Variants in PPP2R3B observed in about 807,000 individuals in gnomAD.
The protein encoded by PPP2R3B is serine/threonine-protein phosphatase 2A regulatory subunit B'' subunit beta.
PPP2R3B carries 68 observed loss-of-function variants against 72.9 expected under a neutral mutation model. That is an observed-to-expected ratio of 0.93 (90% CI 0.77 to 1.14). The LOEUF (loss-of-function observed/expected upper bound fraction) is 1.14, where lower values mean the gene tolerates loss of function less well. Among genes scored for constraint, PPP2R3B ranks in the 50% most tolerant of loss-of-function variants. The pLI is 0.00. For synonymous variants in PPP2R3B, 466 were observed against 375.8 expected (o/e 1.24, Z -2.78); for missense variants, 1,018 against 842.0 (o/e 1.21, Z -2.59).
In PPP2R3B at chrX:347,781, C is replaced by A. The variant is rs775452342; in HGVS notation, c.511-88G>T. On this transcript the variant is annotated intron_variant, in intron 2 of 12. Transcript: ENST00000390665. ...TACCTCGCGCCTGACCGACGCCGCCCAGAGACCCTCTGCTGCAGAAAGACA... is the reference window on the plus strand; with the variant it reads ...TACCTCGCGCCTGACCGACGCCGCCAAGAGACCCTCTGCTGCAGAAAGACA... The A allele has an allele frequency of 2.8e-4, 262 of 938,840 alleles. 5 individuals are homozygous for A. In the South Asian group the frequency reaches 3.2e-3, roughly 11 times the overall value. 58.2% of individuals were successfully genotyped at this position (938,840 alleles called of 1,614,324 possible).
chrX:359,283 C>T (rs1205840228), intron 2 of PPP2R3B, among the ~76,000 whole-genome samples: 2 of 152,214 alleles, frequency 1.3e-5, no homozygotes, highest in African/African-American at 2.4e-5. Flanking sequence ...AGAGATACCC[C>T]ACAACTTCAA....
At chrX:378,917 T>A (rs1202964217) in intron 1 of PPP2R3B, among the ~76,000 whole-genome samples, 1 of 152,232 alleles carries the variant, frequency 6.6e-6, no homozygotes. Flanking sequence ...CACGAAACCT[T>A]CAGAAACCCT....
chrX:349,786 A>G (rs1265709477), intron 2 of PPP2R3B, among the ~76,000 whole-genome samples: 1 of 152,250 alleles, frequency 6.6e-6, no homozygotes, highest in Non-Finnish European at 1.5e-5. Flanking sequence ...AAAATGGAAC[A>G]AAAATCACAC....
intron 1 of PPP2R3B, among the ~76,000 whole-genome samples, chrX:363,657 C>T (rs2071609786): frequency 1.5e-5 from 2 of 135,542 alleles, no homozygotes; most frequent in Admixed American, 7.3e-5. Flanking sequence ...TCTCCCTGTG[C>T]CCACCATCCC....
chrX:383,116 G>C (rs775512066), intron 1 of PPP2R3B, among the ~76,000 whole-genome samples: 12 of 152,128 alleles, frequency 7.9e-5, no homozygotes, highest in Non-Finnish European at 1.6e-4. Flanking sequence ...TGAGCCAGAC[G>C]GTCTCCAAGC....
chrX:334,526 AG>A lies in PPP2R3B; in HGVS notation c.1578-10del. The A allele has an allele frequency of 6.5e-7, 1 of 1,530,118 alleles. No individual in the cohort carries two copies. The allele number at this position is 1,530,118 out of a possible 1,614,324, so 94.8% of individuals were successfully genotyped here. ...TGAGCTCGGCCTCGAACCTGCAACG[AG>A]GGGATGGCGAAGACGTGGCCAGCAG... On this transcript the variant is annotated splice_polypyrimidine_tract_variant and intron_variant, in intron 12 of 12. Coordinates refer to ENST00000390665, the MANE Select transcript of PPP2R3B (RefSeq NM_013239.5).
chrX:338,228 C>A (rs764199031), intron 12 of PPP2R3B: 1 of 397,956 alleles, frequency 2.5e-6, no homozygotes, highest in Admixed American at 3.9e-5. Context: ...AAGGCCGAAG[C>A]GGAGGCTGGA....
At position 345,520 on chromosome X, in the gene PPP2R3B, G is replaced by C. The variant is rs760616499; in HGVS notation, c.1032C>G (p.Asp344Glu). The C allele has an allele frequency of 7.4e-6, 12 of 1,612,920 alleles. No homozygotes were observed. The African/African-American group carries it at 1.3e-4, about 18-fold the overall frequency. Reference protein sequence around the residue: ...IDADDLARHNDHALSTKMIDR... With the variant: ...IDADDLARHNEHALSTKMIDR... ...CGCCCCTGTGCCCCCACGCACCGTGGTCATTGTGCCGCGCCAGGTCGTCCG... is the reference window on the plus strand; with the variant it reads ...CGCCCCTGTGCCCCCACGCACCGTGCTCATTGTGCCGCGCCAGGTCGTCCG... The change falls in exon 7 of 13, where the codon GAC (aspartate) becomes GAG (glutamate). Residue 344 changes from aspartate to glutamate, a missense_variant. Transcript: ENST00000390665.
chrX:359,882 C>A (rs780152836), intron 2 of PPP2R3B: 3 of 509,840 alleles, frequency 5.9e-6, no homozygotes, highest in Non-Finnish European at 1.2e-5. Context: ...AGAACCTGGA[C>A]TTACCTGAAT....
At chrX:384,641 G>A (rs112210836) in intron 1 of PPP2R3B, among the ~76,000 whole-genome samples, 1,912 of 152,048 alleles carry the variant, frequency 0.013, 43 homozygotes, top group African/African-American at 0.044. Flanking sequence ...AGATCCTGAT[G>A]AACAGACCCC....
chrX:358,557 T>G (rs956308147), intron 2 of PPP2R3B, among the ~76,000 whole-genome samples: 2 of 152,236 alleles, frequency 1.3e-5, no homozygotes, highest in African/African-American at 4.8e-5. Context: ...CAGGTCACCC[T>G]GCTTCTCTGG....
At chrX:377,917 A>C (rs2072034410) in intron 1 of PPP2R3B, among the ~76,000 whole-genome samples, 1 of 120,206 alleles carries the variant, frequency 8.3e-6, no homozygotes, top group African/African-American at 3.5e-5. Flanking sequence ...ATCCACACCC[A>C]GTGGGGCCAC....
intron 4 of PPP2R3B, 98 bp downstream of exon 4, chrX:347,136 G>C: frequency 1.7e-6 from 2 of 1,197,226 alleles, no homozygotes; most frequent in East Asian, 2.4e-5. Flanking sequence ...GAGGGATGAG[G>C]CGTGTGGTGT....
chrX:351,197 G>A (rs1019673066), intron 2 of PPP2R3B, among the ~76,000 whole-genome samples: 1 of 152,162 alleles, frequency 6.6e-6, no homozygotes, highest in Admixed American at 6.5e-5. Context: ...GGATCCTGAC[G>A]GAGCTCAGCC....
At chrX:371,517 T>C (rs28455013) in intron 1 of PPP2R3B, among the ~76,000 whole-genome samples, 63,184 of 151,664 alleles carry the variant, frequency 0.42, 13,499 homozygotes, top group African/African-American at 0.51. Context: ...GAAGCCCAGG[T>C]GGGACGTCGC....
intron 10 of PPP2R3B, 31 bp from the exon 11 acceptor site, chrX:338,927 T>A: frequency 6.3e-7 from 1 of 1,588,328 alleles, no homozygotes; most frequent in South Asian, 1.1e-5. Flanking sequence ...CCAAGGCGCG[T>A]GAGCCCGGTC....
At chrX:334,695 G>C in intron 12 of PPP2R3B, 178 bp from the exon 13 acceptor site, 1 of 731,654 alleles carries the variant, frequency 1.4e-6, no homozygotes, top group Non-Finnish European at 2.0e-6. Context: ...CCGGCTCCAC[G>C]AATGCTCCCG....
intron 2 of PPP2R3B, among the ~76,000 whole-genome samples, chrX:351,896 T>C (rs1344369643): frequency 6.6e-6 from 1 of 152,130 alleles, no homozygotes; most frequent in Non-Finnish European, 1.5e-5. Flanking sequence ...AGTCTCACTA[T>C]GTTGCCGAGG....
chrX:346,100 A>ATAGAGG, intron 6 of PPP2R3B, 74 bp downstream of exon 6: 1 of 655,842 alleles, frequency 1.5e-6, no homozygotes, highest in Non-Finnish European at 2.4e-6. Flanking sequence ...AGGGGGGAGG[A>ATAGAGG]GGGAAGGGAA....
Sources: allele counts gnomAD v4.1 joint callset (sites outside exome capture counted in the v4.1 genomes callset), GRCh38; gene constraint gnomAD v4.1.1; transcripts MANE v1.5; gene names NCBI Gene and HGNC (gene_info 2026-07-23, HGNC 2026-07-21).